The following EDEM3 variants were observed in gnomAD, a reference collection of about 807,000 sequenced individuals.
EDEM3 encodes the protein ER degradation-enhancing alpha-mannosidase-like protein 3.
Under a neutral mutation model 110.2 loss-of-function variants are expected in EDEM3, and 60 were observed. The observed-to-expected ratio is 0.54, with a 90% confidence interval of 0.44 to 0.67. The LOEUF is 0.67. Ranked by LOEUF, EDEM3 falls within the 30% of genes least tolerant of loss-of-function variation. The probability of loss-of-function intolerance (pLI) is 0.00; values close to 1 mark genes in which losing one functional copy is unlikely to be tolerated. For missense variants in EDEM3, 996 were observed against 1,121.0 expected (o/e 0.89, Z 1.59); for synonymous variants, 352 against 382.9 (o/e 0.92, Z 0.94).
Position 184,704,430 on chromosome 1 carries a change from C to A in EDEM3, c.2204-1434G>T, listed in dbSNP as rs1245641560. On this transcript the variant is annotated intron_variant, in intron 18 of 19. Transcript: ENST00000318130. Reference sequence around the variant, plus strand: ...AGCACTTTTGGAGGCCAAGGCAGACCACTTGAGGCCATGAGTTTGAGACCA... The same window carrying A: ...AGCACTTTTGGAGGCCAAGGCAGACAACTTGAGGCCATGAGTTTGAGACCA... 2.0e-5 allele frequency among the ~76,000 whole-genome samples: 3 copies of A among 150,268 alleles called. No homozygotes were observed. The East Asian group carries it at 6.0e-4, about 30-fold the overall frequency.
rs756618611 is a variant in EDEM3, at chr1:184,702,861, C to T, written c.2339G>A (p.Arg780Gln). The T allele has an allele frequency of 5.6e-6, 9 of 1,612,110 alleles. No homozygotes were observed. The highest frequency in any genetic ancestry group is 2.2e-5 in the South Asian group (2 of 90,870). Residue 780 changes from arginine (R) to glutamine (Q), a missense_variant, in exon 19 of 20, where the codon CGG becomes CAG. Arg to Gln is a conservative substitution (Grantham distance 43). This residue lies in a region of EDEM3 where 345 missense variants were observed against 402.0 expected (regional missense o/e 0.86). Transcript: ENST00000318130. ...GAGCACTTCTACCTCCTCATATTCC[C>T]GGATGGCATCCAGTATGATACTTCC... ...KEGSIILDAI[R>Q]EYEEVEVLLS...
At chr1:184,708,021 T>TAA (rs2102068356) in intron 17 of EDEM3, 132 bp downstream of exon 17, 1 of 822,976 alleles carries the variant, frequency 1.2e-6, no homozygotes, top group African/African-American at 1.8e-5. Flanking sequence ...TTACTTTACT[T>TAA]AAATCCAGGA....
intron 16 of EDEM3, 102 bp downstream of exon 16, chr1:184,710,292 T>C: frequency 7.1e-7 from 1 of 1,404,968 alleles, no homozygotes; most frequent in East Asian, 2.3e-5. Context: ...AAACAGTATA[T>C]TTAAAGTGTT....
intron 13 of EDEM3, 140 bp from the exon 14 acceptor site, chr1:184,712,738 C>A: frequency 1.8e-6 from 1 of 557,396 alleles, no homozygotes; most frequent in Non-Finnish European, 2.9e-6. Context: ...TATCAATCTA[C>A]CAGGGGCAGA....
chr1:184,732,735 C>A, intron 6 of EDEM3, 102 bp downstream of exon 6: 7 of 1,150,510 alleles, frequency 6.1e-6, no homozygotes, highest in South Asian at 4.3e-5. Context: ...ATTTTTTTTT[C>A]AGCCTCAAGC....
chr1:184,716,528 T>C (rs1474189499), intron 13 of EDEM3, among the ~76,000 whole-genome samples: 1 of 152,152 alleles, frequency 6.6e-6, no homozygotes, highest in Non-Finnish European at 1.5e-5. Context: ...TTCCAGATCA[T>C]TCCTCATCTT....
At chr1:184,754,022 A>T (rs1388267602) in intron 1 of EDEM3, among the ~76,000 whole-genome samples, 1 of 152,246 alleles carries the variant, frequency 6.6e-6, no homozygotes, top group Non-Finnish European at 1.5e-5. Context: ...GTAAAGTTCA[A>T]GTTCCAATGA....
At chr1:184,710,257 C>T in intron 16 of EDEM3, 137 bp downstream of exon 16, 1 of 1,028,908 alleles carries the variant, frequency 9.7e-7, no homozygotes, top group Non-Finnish European at 1.3e-6. Context: ...ACTTCCAAGT[C>T]CTAAAATTCT....
intron 4 of EDEM3, among the ~76,000 whole-genome samples, chr1:184,736,397 TGCCTTAAGGAAAATTCTCACAAAA>T (rs1211140342): frequency 2.0e-5 from 3 of 152,186 alleles, no homozygotes; most frequent in African/African-American, 4.8e-5. Flanking sequence ...TTGAGAATTA[TGCCTTAAGGAAAATTCTCACAAAA>T]GCCTACTTTT....
chr1:184,734,897 A>C (rs921287639), intron 4 of EDEM3, among the ~76,000 whole-genome samples: 1 of 152,208 alleles, frequency 6.6e-6, no homozygotes, highest in African/African-American at 2.4e-5. Flanking sequence ...CCATCATCAG[A>C]CCTGTTAACT....
chr1:184,699,539 T>C (rs932919507), intron 19 of EDEM3, among the ~76,000 whole-genome samples: 3 of 151,912 alleles, frequency 2.0e-5, no homozygotes, highest in African/African-American at 7.2e-5. Context: ...AGAGTTCATC[T>C]GCATATGTAC....
rs1451900529 is a variant in EDEM3, at chr1:184,734,596, T to C, written c.393A>G (p.Leu131=). Residue 131 remains leucine (L), a synonymous_variant, in exon 5 of 20, where the codon TTA becomes TTG. Coordinates refer to ENST00000318130, the MANE Select transcript of EDEM3 (RefSeq NM_025191.4). ...CATCGTTATCTAAATTAACATCTCT[T>C]AAAACTTTTCTCACTGCATCTTCAA... ...KEFEDAVRKV[L]RDVNLDNDVV... The C allele has an allele frequency of 6.4e-7, 1 of 1,552,922 alleles. No individual in the cohort carries two copies. Among genetic ancestry groups the C allele is most frequent in the South Asian group, 1.2e-5 (1 of 80,566 alleles).
At chr1:184,701,681 G>A in intron 19 of EDEM3, 2 of 458,768 alleles carry the variant, frequency 4.4e-6, no homozygotes, top group South Asian at 2.3e-5. Context: ...TTAGAAAAGG[G>A]CCCAGGAAAA....
At position 184,712,529 on chromosome 1, in the gene EDEM3, A is replaced by C; in HGVS notation, c.1440T>G (p.Ile480Met). 1 of 1,600,868 alleles carries C rather than the reference A, an allele frequency of 6.2e-7. No individual in the cohort carries two copies. Among genetic ancestry groups the C allele is most frequent in the East Asian group, 2.3e-5 (1 of 44,378 alleles). Residue 480 changes from isoleucine to methionine, a missense_variant, in exon 14 of 20, where the codon ATT (isoleucine) becomes ATG (methionine). Around this residue, in one of 5 missense-constraint regions of EDEM3, gnomAD observed 138 missense variants for 124.3 expected, o/e 1.11. Coordinates refer to ENST00000318130, the MANE Select transcript of EDEM3 (RefSeq NM_025191.4). ...LYLLFADKED[I>M]IFDIEDYIFT... ...AGATGTAATCTTCTATGTCAAAAATAATGTCTTCTTTATCAGCAAATAACA... is the reference window on the plus strand; with the variant it reads ...AGATGTAATCTTCTATGTCAAAAATCATGTCTTCTTTATCAGCAAATAACA...
intron 2 of EDEM3, among the ~76,000 whole-genome samples, chr1:184,743,600 T>C (rs1384311370): frequency 6.6e-6 from 1 of 152,132 alleles, no homozygotes; most frequent in African/African-American, 2.4e-5. Flanking sequence ...CATCAAAAAC[T>C]GACTCTTTGC....
chr1:184,708,852 A>G (rs192942984), intron 16 of EDEM3, among the ~76,000 whole-genome samples: 1 of 152,350 alleles, frequency 6.6e-6, no homozygotes, highest in African/African-American at 2.4e-5. Context: ...GCTATGATAA[A>G]ATTTCTCAAG....
rs1396811684 is a variant in EDEM3, at chr1:184,708,353, AAAAC to A, written c.1846-13_1846-10del. Reference sequence around the variant, plus strand: ...TCGATTGAACTAGCAGCCTATGAAAAAAACAAATTCATTTTATCCTTCCTTTCTG... The same window carrying A: ...TCGATTGAACTAGCAGCCTATGAAAAAAATTCATTTTATCCTTCCTTTCTG... On this transcript the variant is annotated splice_polypyrimidine_tract_variant and intron_variant, in intron 16 of 19. Coordinates refer to ENST00000318130, the MANE Select transcript of EDEM3 (RefSeq NM_025191.4). The A allele has an allele frequency of 3.1e-6, 5 of 1,608,710 alleles. No homozygotes were observed. Among genetic ancestry groups the A allele is most frequent in the Non-Finnish European group, 4.2e-6 (5 of 1,178,762 alleles).
chr1:184,744,282 A>ATATATATATATATATT (rs1490547132), intron 2 of EDEM3, among the ~76,000 whole-genome samples: 3 of 122,172 alleles, frequency 2.5e-5, no homozygotes, highest in Non-Finnish European at 5.4e-5. Context: ...ATATATATAT[A>ATATATATATATATATT]TATATATATA....
chr1:184,721,214 T>C (rs1174383957), intron 9 of EDEM3, 75 bp downstream of exon 9: 4 of 1,103,016 alleles, frequency 3.6e-6, no homozygotes, highest in African/African-American at 1.6e-5. Flanking sequence ...ACAATGTCAT[T>C]CAGGTAATGG....
Sources: allele counts gnomAD v4.1 joint callset (sites outside exome capture counted in the v4.1 genomes callset), GRCh38; gene constraint gnomAD v4.1.1; regional missense constraint gnomAD v4.1.1; transcripts MANE v1.5; gene names NCBI Gene and HGNC (gene_info 2026-07-23, HGNC 2026-07-21).